The following CDH13 variants were observed in gnomAD, a reference collection of about 807,000 sequenced individuals.
CDH13 encodes the protein cadherin 13, also known as cadherin-13.
In CDH13, 24 loss-of-function variants were observed where a neutral mutation model predicts 63.8. The observed-to-expected ratio is 0.38, with a 90% CI of 0.27 to 0.53. The LOEUF is 0.53. Ranked by LOEUF, CDH13 falls within the 20% of genes least tolerant of loss-of-function variation. The pLI, the probability that CDH13 is intolerant of heterozygous loss-of-function variation, is 0.85. For missense variants in CDH13, 1,049 were observed against 903.1 expected (o/e 1.16, Z -2.07); for synonymous variants, 503 against 355.3 (o/e 1.42, Z -4.67).
intron 3 of CDH13, among the ~76,000 whole-genome samples, chr16:83,100,950 G>A (rs554783181): frequency 6.6e-6 from 1 of 152,240 alleles, no homozygotes; most frequent in African/African-American, 2.4e-5. Flanking sequence ...TAGATACTCA[G>A]TGAATCATGG....
intron 5 of CDH13, among the ~76,000 whole-genome samples, chr16:83,311,353 G>C (rs1419455991): frequency 6.6e-6 from 1 of 152,048 alleles, no homozygotes; most frequent in Admixed American, 6.6e-5. Flanking sequence ...AAAAGTAAAA[G>C]TCGTTATATT....
At chr16:82,736,518 C>T (rs966288953) in intron 1 of CDH13, among the ~76,000 whole-genome samples, 1 of 152,156 alleles carries the variant, frequency 6.6e-6, no homozygotes, top group Non-Finnish European at 1.5e-5. Flanking sequence ...CTGCCACACA[C>T]AGACATAAGA....
chr16:83,261,183 C>A (rs572297538), intron 5 of CDH13, among the ~76,000 whole-genome samples: 3 of 151,960 alleles, frequency 2.0e-5, no homozygotes, highest in Non-Finnish European at 2.9e-5. Flanking sequence ...TGCAAGGGGG[C>A]GTGCATGCGG....
Position 83,235,237 on chromosome 16 carries a change from A to T in CDH13, c.636+17740A>T, listed in dbSNP as rs1366956352. On this transcript the variant is annotated intron_variant, in intron 5 of 13. Transcript: ENST00000567109. ...TACATACACACATATATAAACAAAC[A>T]CTTAGGTTTGCAGGGAAGCACCCTC... is the stretch of plus-strand genomic sequence containing the variant. 2.0e-5 allele frequency among the ~76,000 whole-genome samples: 3 copies of T among 152,010 alleles called. No individual in the cohort carries two copies. The East Asian group carries it at 5.8e-4, about 29-fold the overall frequency.
At chr16:82,671,075 A>C (rs1913185701) in intron 1 of CDH13, among the ~76,000 whole-genome samples, 1 of 152,174 alleles carries the variant, frequency 6.6e-6, no homozygotes, top group African/African-American at 2.4e-5. Context: ...TTTCGTGGGT[A>C]TTAGATGGCG....
intron 1 of CDH13, among the ~76,000 whole-genome samples, chr16:82,725,169 G>A (rs764035879): frequency 2.6e-5 from 4 of 151,982 alleles, no homozygotes; most frequent in African/African-American, 4.8e-5. Context: ...TGCTAATGGC[G>A]ATGATGATGA....
At position 82,872,712 on chromosome 16, in the gene CDH13, C is replaced by T. The variant is rs183495421; in HGVS notation, c.157+14239C>T. ...TACAAATGCTTGCCAGTCAAAATAT[C>T]CCCAAGGACTTCTGCATTTGACAAA... On this transcript the variant is annotated intron_variant, in intron 2 of 13. Coordinates refer to ENST00000567109, the MANE Select transcript of CDH13 (RefSeq NM_001257.5). Among the ~76,000 whole-genome samples, 141 of 152,208 alleles carry T rather than the reference C, an allele frequency of 9.3e-4. 1 individual carries two copies. The highest frequency in any genetic ancestry group is 2.9e-3 in the African/African-American group (122 of 41,556).
chr16:83,246,105 A>G (rs1031838776), intron 5 of CDH13, among the ~76,000 whole-genome samples: 6 of 152,202 alleles, frequency 3.9e-5, no homozygotes, highest in African/African-American at 1.4e-4. Context: ...ATTTATTGTT[A>G]CAGTCAAGAT....
intron 6 of CDH13, among the ~76,000 whole-genome samples, chr16:83,400,397 G>A (rs937799872): frequency 6.6e-6 from 1 of 152,086 alleles, no homozygotes; most frequent in Non-Finnish European, 1.5e-5. Context: ...GGGTTGGGAC[G>A]GCTACCGGAT....
At chr16:82,687,945 C>A (rs763029762) in intron 1 of CDH13, among the ~76,000 whole-genome samples, 1 of 152,150 alleles carries the variant, frequency 6.6e-6, no homozygotes, top group Non-Finnish European at 1.5e-5. Flanking sequence ...ATGCTTGGGA[C>A]CGCGTTCGTA....
chr16:83,203,522 T>C (rs1597509400), intron 4 of CDH13, among the ~76,000 whole-genome samples: 1 of 151,338 alleles, frequency 6.6e-6, no homozygotes, highest in Non-Finnish European at 1.5e-5. Context: ...CCGTCTCTAC[T>C]AAAAATACAA....
intron 5 of CDH13, among the ~76,000 whole-genome samples, chr16:83,246,079 A>G (rs917292020): frequency 3.9e-5 from 6 of 152,276 alleles, no homozygotes; most frequent in Admixed American, 3.9e-4. Context: ...TTTTGTCCCA[A>G]CCAGAATTAG....
intron 4 of CDH13, among the ~76,000 whole-genome samples, chr16:83,137,910 C>A (rs1012254041): frequency 2.0e-5 from 3 of 151,462 alleles, no homozygotes; most frequent in African/African-American, 7.3e-5. Flanking sequence ...TGAAGAACTT[C>A]TTTTATTTTC....
chr16:83,143,149 C>G (rs1484477919), intron 4 of CDH13, among the ~76,000 whole-genome samples: 1 of 152,176 alleles, frequency 6.6e-6, no homozygotes, highest in Non-Finnish European at 1.5e-5. Context: ...GGACACATCT[C>G]TACCCCTATC....
chr16:83,080,871 G>GTTTTTTTTTTTTTTTGTTT (rs2033186740), intron 3 of CDH13, among the ~76,000 whole-genome samples: 1 of 46,928 alleles, frequency 2.1e-5, no homozygotes, highest in African/African-American at 9.3e-5. Context: ...TTGTTTTTGT[G>GTTTTTTTTTTTTTTTGTTT]TTTTTTTTTT....
intron 6 of CDH13, among the ~76,000 whole-genome samples, chr16:83,443,574 A>C (rs1437459377): frequency 6.6e-6 from 1 of 151,872 alleles, no homozygotes; most frequent in Non-Finnish European, 1.5e-5. Context: ...TAGTCTTCCT[A>C]AAGGAATCAG....
intron 3 of CDH13, among the ~76,000 whole-genome samples, chr16:83,100,639 C>G (rs1176824141): frequency 6.6e-6 from 1 of 152,212 alleles, no homozygotes; most frequent in East Asian, 1.9e-4. Context: ...TTCAGTTCTT[C>G]TCAACTTCAT....
intron 1 of CDH13, among the ~76,000 whole-genome samples, chr16:82,712,696 G>A (rs141156052): frequency 2.0e-3 from 303 of 152,216 alleles, no homozygotes; most frequent in Middle Eastern, 3.4e-3. Context: ...CCCTGAAGCC[G>A]CAGCTGAGAT....
intron 1 of CDH13, among the ~76,000 whole-genome samples, chr16:82,667,372 T>C (rs1912715657): frequency 6.6e-6 from 1 of 152,060 alleles, no homozygotes; most frequent in African/African-American, 2.4e-5. Context: ...GTGCAACTGA[T>C]TGAGAGGTTT....
Sources: allele counts gnomAD v4.1 joint callset (sites outside exome capture counted in the v4.1 genomes callset), GRCh38; gene constraint gnomAD v4.1.1; transcripts MANE v1.5; gene names NCBI Gene and HGNC (gene_info 2026-07-23, HGNC 2026-07-21).